Variants in CLEC5A observed in about 807,000 individuals in gnomAD.
CLEC5A encodes C-type lectin domain family 5 member A.
CLEC5A carries 15 observed loss-of-function variants against 24.4 expected under a neutral mutation model. That is an observed-to-expected ratio of 0.62 (90% CI 0.41 to 0.95). CLEC5A has a LOEUF of 0.95. CLEC5A is among the 40% of genes least tolerant of loss of function. The pLI is 0.00. For missense variants in CLEC5A, 211 were observed against 224.0 expected (o/e 0.94, Z 0.37); for synonymous variants, 71 against 72.6 (o/e 0.98, Z 0.11).
intron 2 of CLEC5A, 76 bp from the exon 3 acceptor site, chr7:141,945,476 G>T: frequency 1.1e-6 from 1 of 948,588 alleles, no homozygotes; most frequent in Non-Finnish European, 1.7e-6. Flanking sequence ...TATCAGCACA[G>T]GGGCTGCTAG....
In CLEC5A at chr7:141,928,387, C is replaced by G. The variant is rs1208259111; in HGVS notation, c.*1717G>C. ...TCTCAAAACAGAAGGATTAGGATTT[C>G]CTTTCTGTTGTCTGAGTTCTGGGGC... is the stretch of plus-strand genomic sequence containing the variant. On this transcript the variant is annotated 3_prime_UTR_variant, in exon 7 of 7. Coordinates refer to ENST00000546910, the MANE Select transcript of CLEC5A (RefSeq NM_013252.3). 6.6e-6 allele frequency: 1 copy of G among 152,534 alleles called. No individual in the cohort carries two copies. Among genetic ancestry groups the G allele is most frequent in the Non-Finnish European group, 1.5e-5 (1 of 68,034 alleles). The allele number at this position is 152,534 out of a possible 1,614,324, so 9.4% of individuals were successfully genotyped here.
chr7:141,931,663 G>C lies in CLEC5A; in HGVS notation c.452+57C>G, dbSNP rs782465892. ...TTCCAGGGTGAACCCAGCAATCTCA[G>C]GTTTGGTCTTTTGAAGCAAACCAAG... On this transcript the variant is annotated intron_variant, in intron 6 of 6. Transcript: ENST00000546910. The C allele has an allele frequency of 1.3e-5, 12 of 913,838 alleles. No homozygotes were observed. The South Asian group carries it at 1.6e-4, about 12-fold the overall frequency. The allele number at this position is 913,838 out of a possible 1,614,324, so 56.6% of individuals were successfully genotyped here.
At chr7:141,946,097 A>AT in intron 2 of CLEC5A, 117 bp downstream of exon 2, 1 of 1,113,476 alleles carries the variant, frequency 9.0e-7, no homozygotes, top group African/African-American at 1.6e-5. Flanking sequence ...TGGGTCAGTT[A>AT]GTCTCAGGTG....
chr7:141,943,508 G>GTATTTGCT (rs1802860153), intron 4 of CLEC5A, among the ~76,000 whole-genome samples: 1 of 152,020 alleles, frequency 6.6e-6, no homozygotes, highest in Admixed American at 6.6e-5. Flanking sequence ...ATAAGATCTA[G>GTATTTGCT]TATTTGCTGG....
intron 4 of CLEC5A, among the ~76,000 whole-genome samples, chr7:141,940,644 T>A (rs1385018120): frequency 1.3e-5 from 2 of 150,858 alleles, no homozygotes; most frequent in African/African-American, 4.9e-5. Context: ...AAAAGTCGGC[T>A]TTTTGAAAAG....
intron 6 of CLEC5A, among the ~76,000 whole-genome samples, chr7:141,930,597 CA>C (rs1802431102): frequency 6.6e-6 from 1 of 152,094 alleles, no homozygotes; most frequent in Non-Finnish European, 1.5e-5. Flanking sequence ...AGCAAGAGGA[CA>C]GGAAGGAAAA....
chr7:141,931,384 A>C lies in CLEC5A; in HGVS notation c.452+336T>G, dbSNP rs927002532. ...GTCAAGAGACTGAGCTTTTTTGATC[A>C]GTCAGAAATGCTCAGTGCTATGGAA... On this transcript the variant is annotated intron_variant, in intron 6 of 6. Coordinates refer to ENST00000546910, the MANE Select transcript of CLEC5A (RefSeq NM_013252.3). The C allele has an allele frequency of 1.3e-5, 5 of 381,026 alleles. No homozygotes were observed. In the East Asian group the frequency reaches 1.6e-4, roughly 12 times the overall value. The allele number at this position is 381,026 out of a possible 1,614,324, so 23.6% of individuals were successfully genotyped here. A position where few individuals can be genotyped will look rare whatever the true frequency, so the allele number is the denominator to read the frequency against.
chr7:141,942,047 A>G (rs1382919385), intron 4 of CLEC5A, among the ~76,000 whole-genome samples: 1 of 152,120 alleles, frequency 6.6e-6, no homozygotes, highest in African/African-American at 2.4e-5. Flanking sequence ...CAATAACCCA[A>G]TGACATTATT....
At chr7:141,944,694 T>A (rs1802901240) in intron 3 of CLEC5A, among the ~76,000 whole-genome samples, 1 of 152,196 alleles carries the variant, frequency 6.6e-6, no homozygotes, top group Non-Finnish European at 1.5e-5. Context: ...TCCATTGTGG[T>A]TGAAGACCAC....
Position 141,943,911 on chromosome 7 carries a change from T to C in CLEC5A, c.193A>G (p.Arg65Gly), listed in dbSNP as rs782187012. ...SPSPNGFITT[R>G]SYGTVCPKDW... ...TGCACTTTACCTGTTCCATAGCTCCTTGTGGTAATGAAGCCGTTGGGACTT... is the reference window on the plus strand; with the variant it reads ...TGCACTTTACCTGTTCCATAGCTCCCTGTGGTAATGAAGCCGTTGGGACTT... The change falls in exon 4 of 7, where the codon AGG becomes GGG. Residue 65 changes from arginine to glycine, a missense_variant. Coordinates refer to ENST00000546910, the MANE Select transcript of CLEC5A (RefSeq NM_013252.3). 5.0e-5 allele frequency: 80 copies of C among 1,609,668 alleles called. No individual in the cohort carries two copies. The Admixed American group carries it at 1.1e-3, about 21-fold the overall frequency.
At chr7:141,946,669 C>G in intron 1 of CLEC5A, 138 bp downstream of exon 1, 1 of 192,972 alleles carries the variant, frequency 5.2e-6, no homozygotes, top group Non-Finnish European at 1.1e-5. Flanking sequence ...TAGTCTGTAG[C>G]CTTCACCATA....
In CLEC5A at chr7:141,946,309, G is replaced by C. The variant is rs1377273651; in HGVS notation, c.-17C>G. The C allele has an allele frequency of 6.4e-7, 1 of 1,558,750 alleles. No homozygotes were observed. Among genetic ancestry groups the C allele is most frequent in the Non-Finnish European group, 8.7e-7 (1 of 1,150,300 alleles). ...CCAGTTCATGATGAAGGAGCTGCAG[G>C]GGCCTGTGAAGATTAGAGCACAGCA... On this transcript the variant is annotated 5_prime_UTR_variant, in exon 2 of 7. Transcript: ENST00000546910.
intron 3 of CLEC5A, 146 bp downstream of exon 3, chr7:141,945,195 A>G (rs1802917326): frequency 2.7e-6 from 2 of 745,878 alleles, no homozygotes; most frequent in Non-Finnish European, 4.9e-6. Context: ...TCTCATATGT[A>G]AAAGAAAGGG....
chr7:141,944,135 A>G (rs975530523), intron 3 of CLEC5A, among the ~76,000 whole-genome samples, 171 bp from the exon 4 acceptor site: 7 of 152,132 alleles, frequency 4.6e-5, no homozygotes, highest in Non-Finnish European at 1.0e-4. Context: ...CCATCTAACT[A>G]CTATCATTAT....
rs1257189094 is a variant in CLEC5A at position 141,936,170 on chromosome 7, C to A, written c.209-220G>T. Reference sequence around the variant, plus strand: ...AGAGCGCAGTGGCTGAATAAAGTTTCCATTAGTCATCCCCCTACAGGAACA... The same window carrying A: ...AGAGCGCAGTGGCTGAATAAAGTTTACATTAGTCATCCCCCTACAGGAACA... On this transcript the variant is annotated intron_variant, in intron 4 of 6. Transcript: ENST00000546910. The A allele has an allele frequency of 5.5e-6, 3 of 548,228 alleles. No individual in the cohort carries two copies. The Admixed American group carries it at 9.6e-5, about 18-fold the overall frequency. 34.0% of individuals were successfully genotyped at this position (548,228 alleles called of 1,614,324 possible).
At chr7:141,940,452 T>A in intron 4 of CLEC5A, among the ~76,000 whole-genome samples, 1 of 151,198 alleles carries the variant, frequency 6.6e-6, no homozygotes. Flanking sequence ...TACCTATAAG[T>A]GCCTGCATCA....
intron 4 of CLEC5A, among the ~76,000 whole-genome samples, chr7:141,939,639 G>A (rs939297871): frequency 9.2e-5 from 14 of 152,002 alleles, no homozygotes; most frequent in African/African-American, 3.4e-4. Context: ...AGTACATAGA[G>A]TGGCTGAATG....
At position 141,928,756 on chromosome 7, in the gene CLEC5A, T is replaced by G. The variant is rs1802368131; in HGVS notation, c.*1348A>C. ...CTTGTTTGGTATACATACAATGACATGTACAGTCATTACTGTGCTACATTG... is the reference window on the plus strand; with the variant it reads ...CTTGTTTGGTATACATACAATGACAGGTACAGTCATTACTGTGCTACATTG... On this transcript the variant is annotated 3_prime_UTR_variant, in exon 7 of 7. Coordinates refer to ENST00000546910, the MANE Select transcript of CLEC5A (RefSeq NM_013252.3). 1 of 152,228 alleles carries G rather than the reference T, an allele frequency of 6.6e-6. No individual in the cohort carries two copies. The highest frequency in any genetic ancestry group is 2.4e-5 in the African/African-American group (1 of 41,466). The allele number at this position is 152,228 out of a possible 1,614,324, so 9.4% of individuals were successfully genotyped here. A position where few individuals can be genotyped will look rare whatever the true frequency, so the allele number is the denominator to read the frequency against.
chr7:141,945,434 A>T, intron 2 of CLEC5A, 34 bp from the exon 3 acceptor site: 1 of 1,457,888 alleles, frequency 6.9e-7, no homozygotes, highest in Non-Finnish European at 9.6e-7. Flanking sequence ...CTCAGCCCCA[A>T]ATGTGACTGC....
Sources: gnomAD v4.1 joint callset for allele counts (sites outside exome capture counted in the v4.1 genomes callset) on GRCh38, gnomAD v4.1.1 for gene constraint, MANE v1.5 for transcripts, NCBI Gene and HGNC (gene_info 2026-07-23, HGNC 2026-07-21) for gene names.